ELANE: variants seen among roughly 807,000 people sequenced by gnomAD.
ELANE encodes the protein neutrophil elastase.
In ELANE, 12 loss-of-function variants were observed where a neutral mutation model predicts 20.6. The observed-to-expected ratio is 0.58, with a 90% CI of 0.37 to 0.94. ELANE has a LOEUF of 0.94. Ranked by LOEUF, ELANE falls within the 40% of genes least tolerant of loss-of-function variation. The pLI is 0.01. For synonymous variants in ELANE, 203 were observed against 177.4 expected, an observed-to-expected ratio of 1.14 and a Z score of -1.15; for missense variants, 388 against 395.2, an observed-to-expected ratio of 0.98 and a Z score of 0.15.
chr19:852,747 G>T, intron 1 of ELANE, 129 bp from the exon 2 acceptor site: 2 of 1,317,632 alleles, frequency 1.5e-6, no homozygotes, highest in Non-Finnish European at 1.0e-6. Flanking sequence ...GTGGGTTCCC[G>T]GTGGGGGATC....
In ELANE at chr19:855,997, C is replaced by T. The variant is rs201326533; in HGVS notation, c.637C>T (p.His213Tyr). 5.0e-5 allele frequency: 81 copies of T among 1,613,368 alleles called. No individual in the cohort carries two copies. Among genetic ancestry groups the T allele is most frequent in the Admixed American group, 8.3e-5 (5 of 60,010 alleles). ...GSPLVCNGLI[H>Y]GIASFVRGGC... ...CCCCTTGGTCTGCAACGGGCTAATC[C>T]ACGGAATTGCCTCCTTCGTCCGGGG... Residue 213 changes from histidine (H) to tyrosine (Y), a missense_variant, in exon 5 of 5, where the codon CAC becomes TAC. By Grantham distance (83) the His-to-Tyr change is moderately conservative. This residue lies in a region of ELANE where 321 missense variants were observed against 309.8 expected (regional missense o/e 1.04). Coordinates refer to ENST00000263621, the MANE Select transcript of ELANE (RefSeq NM_001972.4). The surrounding 1 kb of genome is among the most constrained non-coding windows in gnomAD (Gnocchi z 6.2).
chr19:852,369 G>GT lies in ELANE; in HGVS notation c.42dup (p.Val15CysfsTer74), dbSNP rs1249217987. The GT allele has an allele frequency of 6.2e-7, 1 of 1,611,518 alleles. No individual in the cohort carries two copies. Among genetic ancestry groups the GT allele is most frequent in the South Asian group, 1.1e-5 (1 of 91,032 alleles). ...CGACTCGCGTGTCTTTTCCTCGCCT[G>GT]TGTCCTGCCGGCCTTGCTGCTGGGG... On this transcript the variant is annotated frameshift_variant, in exon 1 of 5. Transcript: ENST00000263621. LOFTEE classifies it high-confidence loss of function.
rs764038526 is a variant in ELANE, at chr19:853,413, G to C, written c.366+10G>C. On this transcript the variant is annotated intron_variant, in intron 3 of 4. Coordinates refer to ENST00000263621, the MANE Select transcript of ELANE (RefSeq NM_001972.4). Reference sequence around the variant, plus strand: ...CATCGTGATTCTCCAGGTGCCGCCGGGCGGGGCGGGGGGCGCAGGGGCGGA... The same window carrying C: ...CATCGTGATTCTCCAGGTGCCGCCGCGCGGGGCGGGGGGCGCAGGGGCGGA... 1.9e-6 allele frequency: 3 copies of C among 1,592,392 alleles called. No homozygotes were observed. Among genetic ancestry groups the C allele is most frequent in the African/African-American group, 2.7e-5 (2 of 74,360 alleles).
At chr19:853,068 C>G (rs2035619192) in intron 2 of ELANE, 36 bp downstream of exon 2, 2 of 1,530,318 alleles carry the variant, frequency 1.3e-6, no homozygotes, top group African/African-American at 1.4e-5. Flanking sequence ...CGGCTCGGAC[C>G]CCGCGTCCCG....
At position 855,694 on chromosome 19, in the gene ELANE, C is replaced by T. The variant is rs199891906; in HGVS notation, c.497C>T (p.Ala166Val). ...CTTCTGGGCAGGAACCGTGGGATCG[C>T]CAGCGTCCTGCAGGAGCTCAACGTG... is the stretch of plus-strand genomic sequence containing the variant. ...WGLLGRNRGIASVLQELNVTV... is the reference protein window; with the variant it reads ...WGLLGRNRGIVSVLQELNVTV... The change falls in exon 4 of 5, where the codon GCC (alanine) becomes GTC (valine). Residue 166 changes from alanine to valine, a missense_variant. Ala to Val is a moderately conservative substitution (Grantham distance 64). Around this residue, in one of 3 missense-constraint regions of ELANE, gnomAD observed 321 missense variants for 309.8 expected, o/e 1.04. Transcript: ENST00000263621. This position sits in a 1 kb window ranked among gnomAD's most constrained non-coding sequence, Gnocchi z 6.2. The T allele has an allele frequency of 5.0e-6, 8 of 1,609,732 alleles. No homozygotes were observed. Among genetic ancestry groups the T allele is most frequent in the Non-Finnish European group, 5.9e-6 (7 of 1,179,928 alleles).
intron 3 of ELANE, among the ~76,000 whole-genome samples, chr19:854,885 G>A (rs1050910720): frequency 6.7e-6 from 1 of 148,700 alleles, no homozygotes; most frequent in Admixed American, 6.8e-5. Context: ...GACAAGTCTC[G>A]CTCTGTCGCC....
intron 2 of ELANE, 90 bp downstream of exon 2, chr19:853,122 C>G (rs867366951): frequency 1.9e-4 from 192 of 995,842 alleles, no homozygotes; most frequent in Admixed American, 4.7e-4. Context: ...GGGCTGCTGG[C>G]GGGGGGGGGT....
At chr19:854,873 G>T (rs901971568) in intron 3 of ELANE, among the ~76,000 whole-genome samples, 6 of 147,720 alleles carry the variant, frequency 4.1e-5, no homozygotes, top group Non-Finnish European at 8.9e-5. Flanking sequence ...TATATTTTTT[G>T]AGACAAGTCT....
At chr19:854,795 TAATA>T (rs919895290) in intron 3 of ELANE, among the ~76,000 whole-genome samples, 2 of 146,300 alleles carry the variant, frequency 1.4e-5, no homozygotes, top group African/African-American at 2.5e-5. Context: ...TTTTATAAAA[TAATA>T]AATATAAAAT....
At position 852,591 on chromosome 19, in the gene ELANE, GGGA is replaced by G. The variant is rs1345786132; in HGVS notation, c.67+199_67+201del. Among the ~76,000 whole-genome samples, 149 of 139,838 alleles carry G rather than the reference GGGA, an allele frequency of 1.1e-3. 2 individuals carry two copies. Among genetic ancestry groups the G allele is most frequent in the African/African-American group, 3.7e-3 (135 of 36,174 alleles). 91.7% of individuals were successfully genotyped at this position (139,838 alleles called of 152,430 possible). A position where few individuals can be genotyped will look rare whatever the true frequency, so the allele number is the denominator to read the frequency against. ...GCCCAGAGTTGGGGTTTGAAAACCGGGGAGGGGGGGGGGGTCGCAGGTCGCCCT... is the reference window on the plus strand; with the variant it reads ...GCCCAGAGTTGGGGTTTGAAAACCGGGGGGGGGGGGGTCGCAGGTCGCCCT... On this transcript the variant is annotated intron_variant, in intron 1 of 4. Coordinates refer to ENST00000263621, the MANE Select transcript of ELANE (RefSeq NM_001972.4).
At chr19:854,206 G>A (rs759720183) in intron 3 of ELANE, among the ~76,000 whole-genome samples, 18 of 152,184 alleles carry the variant, frequency 1.2e-4, no homozygotes, top group Non-Finnish European at 2.4e-4. Context: ...CACTTTGGGA[G>A]GCTGAGGCGG....
chr19:852,480 GT>G, intron 1 of ELANE, 85 bp downstream of exon 1: 1 of 1,515,166 alleles, frequency 6.6e-7, no homozygotes, highest in Non-Finnish European at 8.9e-7. Flanking sequence ...ACCAGTGTGG[GT>G]CCCTCATCCT....
At chr19:853,194 A>ACGACAAGG in intron 2 of ELANE, 68 bp from the exon 3 acceptor site, 2 of 1,515,296 alleles carry the variant, frequency 1.3e-6, no homozygotes, top group Non-Finnish European at 1.8e-6. Context: ...CCGGATGGGG[A>ACGACAAGG]CGACAAGGCG....
At chr19:853,191 G>C (rs2035622295) in intron 2 of ELANE, 71 bp from the exon 3 acceptor site, 2 of 1,513,974 alleles carry the variant, frequency 1.3e-6, no homozygotes, top group Non-Finnish European at 1.8e-6. Context: ...TCGCCGGATG[G>C]GGACGACAAG....
At chr19:852,615 G>A (rs986463559) in intron 1 of ELANE, among the ~76,000 whole-genome samples, 1 of 149,710 alleles carries the variant, frequency 6.7e-6, no homozygotes, top group African/African-American at 2.5e-5. Flanking sequence ...GTCGCAGGTC[G>A]CCCTCTGGGT....
rs200998348 is a variant in ELANE, at chr19:853,031, G to A, written c.223G>A (p.Val75Ile). The A allele has an allele frequency of 1.0e-5, 16 of 1,559,722 alleles. No homozygotes were observed. The highest frequency in any genetic ancestry group is 1.8e-4 in the Middle Eastern group (1 of 5,602). The stretch of plus-strand genomic sequence containing the variant: ...GTCGGCCGCGCACTGCGTGGCGAAT[G>A]TGTGAGTAGCCGGGAGTGTGCGCGC... ...VMSAAHCVAN[V>I]NVRAVRVVLG... The change falls in exon 2 of 5, where the codon GTA becomes ATA. Residue 75 changes from valine (V) to isoleucine (I), a missense_variant and splice_region_variant. Physicochemically the swap from Val to Ile is conservative, Grantham distance 29 (BLOSUM62 3). Coordinates refer to ENST00000263621, the MANE Select transcript of ELANE (RefSeq NM_001972.4).
At position 853,270 on chromosome 19, in the gene ELANE, G is replaced by C. The variant is rs569608929; in HGVS notation, c.233G>C (p.Arg78Pro). 2.0e-5 allele frequency: 32 copies of C among 1,602,246 alleles called. No individual in the cohort carries two copies. The highest frequency in any genetic ancestry group is 2.7e-5 in the Non-Finnish European group (32 of 1,175,096). ...AAHCVANVNV[R>P]AVRVVLGAHN... The stretch of plus-strand genomic sequence containing the variant: ...CTCTCCCTCCCCGGCAGAAACGTCC[G>C]CGCGGTGCGGGTGGTCCTGGGAGCC... Residue 78 changes from arginine (R) to proline (P), a missense_variant, in exon 3 of 5, where the codon CGC becomes CCC. Coordinates refer to ENST00000263621, the MANE Select transcript of ELANE (RefSeq NM_001972.4).
chr19:853,676 C>T (rs920680558), intron 3 of ELANE, among the ~76,000 whole-genome samples: 1 of 151,066 alleles, frequency 6.6e-6, no homozygotes, highest in Non-Finnish European at 1.5e-5. Context: ...GATCTGTTGT[C>T]AATCAACAAA....
At chr19:853,224 G>T in intron 2 of ELANE, 38 bp from the exon 3 acceptor site, 1 of 1,554,406 alleles carries the variant, frequency 6.4e-7, no homozygotes, top group East Asian at 2.5e-5. Context: ...CCCGACCCCC[G>T]GGGCCGCCCC....
Sources: gnomAD v4.1 joint callset for allele counts (sites outside exome capture counted in the v4.1 genomes callset) on GRCh38, gnomAD v4.1.1 for gene constraint, gnomAD v4.1.1 regional missense constraint, Gnocchi (gnomAD v3.1) non-coding constraint, MANE v1.5 for transcripts, NCBI Gene and HGNC (gene_info 2026-07-23, HGNC 2026-07-21) for gene names.